Variants in BCAT1 observed in about 807,000 individuals in gnomAD.
BCAT1 encodes branched-chain-amino-acid aminotransferase, cytosolic.
In BCAT1, 48 loss-of-function variants were observed where a neutral mutation model predicts 52.4. The observed-to-expected ratio is 0.92, with a 90% confidence interval of 0.73 to 1.16. BCAT1 has a LOEUF of 1.16. BCAT1 is among the 50% of genes most tolerant of loss of function. The pLI, the probability that BCAT1 is intolerant of heterozygous loss-of-function variation, is 0.00. For missense variants in BCAT1, 451 were observed against 457.1 expected (o/e 0.99, Z 0.12); for synonymous variants, 167 against 161.3 (o/e 1.04, Z -0.27).
chr12:24,876,556 A>C (rs2062496), intron 5 of BCAT1, among the ~76,000 whole-genome samples: 5,009 of 152,230 alleles, frequency 0.033, 263 homozygotes, highest in African/African-American at 0.11. Flanking sequence ...CATGACAAAA[A>C]CTCTCAACAA....
chr12:24,880,454 CT>C (rs1942459592), intron 4 of BCAT1, among the ~76,000 whole-genome samples: 1 of 151,792 alleles, frequency 6.6e-6, no homozygotes. Context: ...GAGACTCTCT[CT>C]CAAAAAAAAA....
In BCAT1 at chr12:24,850,589, C is replaced by T. The variant is rs79708945; in HGVS notation, c.511-640G>A. 7.4e-3 allele frequency among the ~76,000 whole-genome samples: 1,128 copies of T among 152,310 alleles called. 9 individuals are homozygous for T. Among genetic ancestry groups the T allele is most frequent in the African/African-American group, 0.026 (1,092 of 41,568 alleles). ...TTCTTTGCACATCATGAACTATAAC[C>T]TAAGTGGACATTATAAACAGATGGT... On this transcript the variant is annotated intron_variant, in intron 5 of 10. Coordinates refer to ENST00000261192, the MANE Select transcript of BCAT1 (RefSeq NM_005504.7).
At chr12:24,907,364 C>T (rs1014886012) in intron 1 of BCAT1, among the ~76,000 whole-genome samples, 2 of 152,190 alleles carry the variant, frequency 1.3e-5, no homozygotes, top group Non-Finnish European at 1.5e-5. Context: ...TTGATTAATG[C>T]TCTTCTAATT....
At chr12:24,895,314 T>C (rs977255908) in intron 2 of BCAT1, among the ~76,000 whole-genome samples, 1 of 151,872 alleles carries the variant, frequency 6.6e-6, no homozygotes, top group South Asian at 2.1e-4. Context: ...ATCACAAGGT[T>C]TGGAGATTGA....
intron 3 of BCAT1, among the ~76,000 whole-genome samples, chr12:24,886,624 G>T (rs1942668404): frequency 6.6e-6 from 1 of 152,022 alleles, no homozygotes; most frequent in South Asian, 2.1e-4. Flanking sequence ...AATGACATTT[G>T]CTCAAGAGCC....
intron 10 of BCAT1, among the ~76,000 whole-genome samples, chr12:24,828,481 T>G (rs1176179493): frequency 6.6e-6 from 1 of 152,166 alleles, no homozygotes; most frequent in Non-Finnish European, 1.5e-5. Context: ...TAATCGAGGA[T>G]GTACTGTCCA....
At chr12:24,896,801 C>T (rs1003842488) in intron 2 of BCAT1, among the ~76,000 whole-genome samples, 5 of 152,088 alleles carry the variant, frequency 3.3e-5, no homozygotes, top group Non-Finnish European at 7.4e-5. Flanking sequence ...AACCCCTATT[C>T]TGGACTATTT....
chr12:24,860,710 G>T (rs907013814), intron 5 of BCAT1, among the ~76,000 whole-genome samples: 5 of 152,134 alleles, frequency 3.3e-5, no homozygotes, highest in Admixed American at 1.3e-4. Context: ...GGAAAAGCTG[G>T]CCTCATACCT....
At position 24,811,549 on chromosome 12, in the gene BCAT1, A is replaced by G. The variant is rs1438746337; in HGVS notation, c.*6459T>C. The stretch of plus-strand genomic sequence containing the variant: ...GTAACAAAGCCATTTTAGATGTTTA[A>G]TTGTGCTTCTACAAAACCTTCAGAG... On this transcript the variant is annotated 3_prime_UTR_variant, in exon 11 of 11. Transcript: ENST00000261192. 8 of 152,176 alleles carry G rather than the reference A, an allele frequency of 5.3e-5. No individual in the cohort carries two copies. Among genetic ancestry groups the G allele is most frequent in the South Asian group, 4.1e-4 (2 of 4,830 alleles). The allele number at this position is 152,176 out of a possible 1,614,324, so 9.4% of individuals were successfully genotyped here. A position where few individuals can be genotyped will look rare whatever the true frequency, so the allele number is the denominator to read the frequency against.
rs1206786269 is a variant in BCAT1 at position 24,889,750 on chromosome 12, G to C, written c.279+4525C>G. Among the ~76,000 whole-genome samples the C allele has an allele frequency of 5.9e-5, 9 of 152,144 alleles. No individual in the cohort carries two copies. The East Asian group carries it at 1.7e-3, about 29-fold the overall frequency. On this transcript the variant is annotated intron_variant, in intron 3 of 10. Transcript: ENST00000261192. ...CATGCCTGTAGTCCCAGCACTTTCG[G>C]AGGCAGAGGCGGGAGGCTTACTTGG...
At chr12:24,943,786 C>T (rs924596510) in intron 1 of BCAT1, among the ~76,000 whole-genome samples, 8 of 151,926 alleles carry the variant, frequency 5.3e-5, no homozygotes, top group South Asian at 2.1e-4. Flanking sequence ...AGATCAAGAC[C>T]TTCCTGGCTA....
At position 24,831,118 on chromosome 12, in the gene BCAT1, C is replaced by T. The variant is rs148133644; in HGVS notation, c.1045-1221G>A. 2.6e-3 allele frequency among the ~76,000 whole-genome samples: 395 copies of T among 152,322 alleles called. 3 individuals carry two copies. The highest frequency in any genetic ancestry group is 9.1e-3 in the African/African-American group (377 of 41,572). ...ACCAATCCCTCCTCCTCCTCCTCCT[C>T]CTCAGCCTACTCAACATGATGGACA... On this transcript the variant is annotated intron_variant, in intron 9 of 10. Transcript: ENST00000261192.
intron 1 of BCAT1, among the ~76,000 whole-genome samples, chr12:24,925,719 G>A (rs1216989626): frequency 6.6e-6 from 1 of 152,152 alleles, no homozygotes; most frequent in Non-Finnish European, 1.5e-5. Context: ...CCTGCCGAGT[G>A]CCTGTGATTG....
chr12:24,901,789 ACT>A lies in BCAT1; in HGVS notation c.78+23_78+24del, dbSNP rs759998687. On this transcript the variant is annotated intron_variant, in intron 2 of 10. Coordinates refer to ENST00000261192, the MANE Select transcript of BCAT1 (RefSeq NM_005504.7). ...TATTCAGTTGAACGTTGCTTTAGAC[ACT>A]AAGCCTCTGGCAAGCAACTTACCTT... is the stretch of plus-strand genomic sequence containing the variant. 183 of 1,609,744 alleles carry A rather than the reference ACT, an allele frequency of 1.1e-4. No individual in the cohort carries two copies. In the African/African-American group the frequency reaches 2.2e-3, roughly 20 times the overall value.
intron 1 of BCAT1, among the ~76,000 whole-genome samples, chr12:24,916,118 C>G (rs747267923): frequency 4.6e-5 from 7 of 152,164 alleles, no homozygotes; most frequent in Non-Finnish European, 1.0e-4. Flanking sequence ...AAGATCTCAC[C>G]ACTGCACTCC....
chr12:24,852,789 T>C (rs1373182074), intron 5 of BCAT1, among the ~76,000 whole-genome samples: 1 of 152,248 alleles, frequency 6.6e-6, no homozygotes, highest in Non-Finnish European at 1.5e-5. Flanking sequence ...AATACTTTAT[T>C]TTCTGCAATT....
rs1283389031 is a variant in BCAT1 at position 24,810,295 on chromosome 12, T to C, written c.*7713A>G. On this transcript the variant is annotated 3_prime_UTR_variant, in exon 11 of 11. Coordinates refer to ENST00000261192, the MANE Select transcript of BCAT1 (RefSeq NM_005504.7). ...TCAGGCTATGATAGCATATTTCACT[T>C]AAAAATAAATTATCACAATATAAGG... is the stretch of plus-strand genomic sequence containing the variant. 1.3e-5 allele frequency: 2 copies of C among 152,204 alleles called. No individual in the cohort carries two copies. Among genetic ancestry groups the C allele is most frequent in the African/African-American group, 4.8e-5 (2 of 41,450 alleles). The allele number at this position is 152,204 out of a possible 1,614,324, so 9.4% of individuals were successfully genotyped here.
chr12:24,869,659 A>G (rs1591824283), intron 5 of BCAT1, among the ~76,000 whole-genome samples: 1 of 152,196 alleles, frequency 6.6e-6, no homozygotes, highest in East Asian at 1.9e-4. Context: ...CAAAATGTCC[A>G]TCTGCAGTAA....
intron 5 of BCAT1, among the ~76,000 whole-genome samples, chr12:24,876,260 T>TAAAAAAAAAA (rs71448093): frequency 7.3e-5 from 8 of 109,752 alleles, no homozygotes; most frequent in East Asian, 2.6e-4. Context: ...GAGGGAGATG[T>TAAAAAAAAAA]AAAAAAAAAA....
Sources: allele counts gnomAD v4.1 joint callset (sites outside exome capture counted in the v4.1 genomes callset), GRCh38; gene constraint gnomAD v4.1.1; transcripts MANE v1.5; gene names NCBI Gene and HGNC (gene_info 2026-07-23, HGNC 2026-07-21).